SLC9B1: variants seen among roughly 807,000 people sequenced by gnomAD.
SLC9B1 encodes solute carrier family 9 member B1.
A neutral mutation model predicts 51.7 loss-of-function variants in SLC9B1; 32 were observed. The observed-to-expected ratio is 0.62, with a 90% confidence interval of 0.47 to 0.83. The LOEUF (loss-of-function observed/expected upper bound fraction) is 0.83. Ranked by LOEUF, SLC9B1 falls within the 40% of genes least tolerant of loss-of-function variation. The probability of loss-of-function intolerance (pLI) is 0.00; values close to 1 mark genes in which losing one functional copy is unlikely to be tolerated. For missense variants in SLC9B1, 406 were observed against 613.2 expected (o/e 0.66, Z 3.57); for synonymous variants, 145 against 212.7 (o/e 0.68, Z 2.77).
intron 6 of SLC9B1, among the ~76,000 whole-genome samples, chr4:102,941,869 T>C (rs61158427): frequency 0.028 from 4,227 of 152,104 alleles, 191 homozygotes; most frequent in African/African-American, 0.093. Flanking sequence ...AGTCAAACTG[T>C]TGCTATTCAT....
At chr4:102,886,933 CA>C (rs1733956601) in intron 11 of SLC9B1, among the ~76,000 whole-genome samples, 1 of 151,954 alleles carries the variant, frequency 6.6e-6, no homozygotes, top group African/African-American at 2.4e-5. Flanking sequence ...TTTTTGTTTT[CA>C]AAAATTGTGT....
intron 1 of SLC9B1, among the ~76,000 whole-genome samples, chr4:102,992,791 G>C (rs1311956126): frequency 6.6e-6 from 1 of 152,150 alleles, no homozygotes; most frequent in African/African-American, 2.4e-5. Context: ...GCTATGAAGA[G>C]ATACCTGAGT....
chr4:103,001,640 A>G (rs1013249346), intron 1 of SLC9B1, among the ~76,000 whole-genome samples: 1 of 152,212 alleles, frequency 6.6e-6, no homozygotes, highest in Admixed American at 6.5e-5. Context: ...ACCATCCAGC[A>G]TTTTGATCAA....
At chr4:102,893,281 CAAAAAAAAAA>C (rs58316456) in intron 11 of SLC9B1, among the ~76,000 whole-genome samples, 1 of 35,160 alleles carries the variant, frequency 2.8e-5, no homozygotes, top group African/African-American at 1.2e-4. Context: ...GACTCCATCT[CAAAAAAAAAA>C]AAAAAAAAAA....
At chr4:102,993,492 C>T (rs1456866798) in intron 1 of SLC9B1, among the ~76,000 whole-genome samples, 1 of 152,236 alleles carries the variant, frequency 6.6e-6, no homozygotes, top group African/African-American at 2.4e-5. Flanking sequence ...GTCCCACTCT[C>T]TGGTGCTTTC....
At chr4:102,920,049 G>A (rs1240327729) in intron 7 of SLC9B1, among the ~76,000 whole-genome samples, 1 of 152,238 alleles carries the variant, frequency 6.6e-6, no homozygotes. Flanking sequence ...GAGAGCAGTG[G>A]TTTTCCCAGC....
intron 3 of SLC9B1, among the ~76,000 whole-genome samples, chr4:102,976,806 T>C (rs139557308): frequency 1.8e-4 from 27 of 152,298 alleles, no homozygotes; most frequent in Middle Eastern, 3.4e-3. Context: ...AATTGAAACA[T>C]GAAGTGTCTT....
intron 1 of SLC9B1, among the ~76,000 whole-genome samples, chr4:102,998,597 TC>T (rs1428415177): frequency 7.5e-6 from 1 of 132,532 alleles, no homozygotes; most frequent in African/African-American, 3.2e-5. Context: ...GGAACCATCA[TC>T]ATATGGTTTT....
intron 7 of SLC9B1, among the ~76,000 whole-genome samples, chr4:102,926,928 G>T (rs1736213593): frequency 6.6e-6 from 1 of 152,060 alleles, no homozygotes; most frequent in African/African-American, 2.4e-5. Context: ...CAGAACAGAG[G>T]CCTCAGAAAT....
intron 3 of SLC9B1, among the ~76,000 whole-genome samples, chr4:102,956,220 G>A (rs1737805526): frequency 6.6e-6 from 1 of 151,516 alleles, no homozygotes; most frequent in African/African-American, 2.4e-5. Flanking sequence ...GTTTGTGCCT[G>A]GTATCCTCCA....
intron 3 of SLC9B1, among the ~76,000 whole-genome samples, chr4:102,961,785 A>G (rs1385111306): frequency 1.3e-5 from 2 of 152,202 alleles, no homozygotes. Flanking sequence ...GGTTTGTTAC[A>G]TAGGTATACA....
At chr4:102,998,798 T>C (rs1740363165) in intron 1 of SLC9B1, among the ~76,000 whole-genome samples, 1 of 152,220 alleles carries the variant, frequency 6.6e-6, no homozygotes, top group Admixed American at 6.5e-5. Flanking sequence ...GAGTATCTTT[T>C]CATGTGCTTA....
chr4:102,984,681 A>T (rs1739525175), intron 3 of SLC9B1, among the ~76,000 whole-genome samples: 1 of 152,280 alleles, frequency 6.6e-6, no homozygotes, highest in African/African-American at 2.4e-5. Flanking sequence ...GGGATGAAGT[A>T]GTCTATAAAT....
intron 1 of SLC9B1, among the ~76,000 whole-genome samples, chr4:102,994,178 C>G (rs950300234): frequency 1.3e-5 from 2 of 152,126 alleles, no homozygotes; most frequent in African/African-American, 4.8e-5. Flanking sequence ...CATCATCAGG[C>G]TGCAATTTTT....
At chr4:102,913,827 C>G (rs1223597197) in intron 7 of SLC9B1, among the ~76,000 whole-genome samples, 3 of 117,394 alleles carry the variant, frequency 2.6e-5, no homozygotes, top group Non-Finnish European at 5.4e-5. Flanking sequence ...AGGAACCATA[C>G]AGAAACTCTG....
intron 2 of SLC9B1, 99 bp from the exon 3 acceptor site, chr4:102,990,040 C>T (rs552326779): frequency 2.1e-6 from 2 of 934,000 alleles, no homozygotes; most frequent in South Asian, 1.6e-5. Flanking sequence ...TATATTATTA[C>T]TGTCAATGCG....
chr4:102,979,915 C>G (rs908648365), intron 3 of SLC9B1, among the ~76,000 whole-genome samples: 1 of 151,818 alleles, frequency 6.6e-6, no homozygotes, highest in Non-Finnish European at 1.5e-5. Flanking sequence ...AACAAACAAC[C>G]CCATTAAAAA....
At chr4:102,946,814 C>T (rs1428235595) in intron 4 of SLC9B1, 25 bp from the exon 5 acceptor site, 1 of 1,539,246 alleles carries the variant, frequency 6.5e-7, no homozygotes, top group African/African-American at 1.4e-5. Context: ...AATAAAGATA[C>T]ATGACAGTTC....
At chr4:102,941,503 G>A (rs1464979949) in intron 6 of SLC9B1, 1 of 455,018 alleles carries the variant, frequency 2.2e-6, no homozygotes, top group East Asian at 7.0e-5. Flanking sequence ...ACAGATGCTG[G>A]CGAGCTTGGG....
Sources: allele counts gnomAD v4.1 joint callset (sites outside exome capture counted in the v4.1 genomes callset), GRCh38; gene constraint gnomAD v4.1.1; transcripts MANE v1.5; gene names NCBI Gene and HGNC (gene_info 2026-07-23, HGNC 2026-07-21).